Variants in POLG observed in about 807,000 individuals in gnomAD.
POLG encodes DNA polymerase gamma, catalytic subunit, also known as DNA polymerase subunit gamma-1.
In POLG, 110 loss-of-function variants were observed where a neutral mutation model predicts 155.4. That is an observed-to-expected ratio of 0.71 (90% CI 0.61 to 0.83). The LOEUF (loss-of-function observed/expected upper bound fraction) is 0.83. POLG is among the 40% of genes least tolerant of loss of function. The pLI is 0.00. For missense variants in POLG, 1,685 were observed against 1,627.5 expected, an observed-to-expected ratio of 1.04 and a Z score of -0.61; for synonymous variants, 701 against 631.5, an observed-to-expected ratio of 1.11 and a Z score of -1.65.
Position 89,321,947 on chromosome 15 carries a change from C to G in POLG, c.2480+15G>C. The G allele has an allele frequency of 6.2e-7, 1 of 1,613,944 alleles. No homozygotes were observed. On this transcript the variant is annotated intron_variant, in intron 15 of 22. Transcript: ENST00000268124. ...CTCAGTTCTCCTATCCCTACAACCA[C>G]TCAGCAGACCATACCTGATCACAGC... is the stretch of plus-strand genomic sequence containing the variant.
Position 89,323,908 on chromosome 15 carries a change from C to G in POLG, c.2071-7G>C. On this transcript the variant is annotated splice_region_variant and splice_polypyrimidine_tract_variant and intron_variant, in intron 11 of 22. Coordinates refer to ENST00000268124, the MANE Select transcript of POLG (RefSeq NM_002693.3). ...AGTAATCCAGTTCTTCTACCTGGAG[C>G]AGTCCAAGGACCAAAGTAGTGAAGC... The G allele has an allele frequency of 6.2e-7, 1 of 1,610,432 alleles. No individual in the cohort carries two copies. The highest frequency in any genetic ancestry group is 1.1e-5 in the South Asian group (1 of 91,012).
Position 89,321,791 on chromosome 15 carries a change from C to T in POLG, c.2543G>A (p.Gly848Asp), listed in dbSNP as rs2055399978. ...GAILPQVVTAGTITRRAVEPT... is the reference protein window; with the variant it reads ...GAILPQVVTADTITRRAVEPT... Reference sequence around the variant, plus strand: ...CTCCACAGCCCGGCGAGTGATGGTGCCGGCAGTCACCACTTGGGGCAGGAT... The same window carrying T: ...CTCCACAGCCCGGCGAGTGATGGTGTCGGCAGTCACCACTTGGGGCAGGAT... The change falls in exon 16 of 23, where the codon GGC (glycine) becomes GAC (aspartate). Residue 848 changes from glycine to aspartate, a missense_variant. Transcript: ENST00000268124. The T allele has an allele frequency of 6.2e-7, 1 of 1,614,120 alleles. No individual in the cohort carries two copies. The highest frequency in any genetic ancestry group is 8.5e-7 in the Non-Finnish European group (1 of 1,180,004).
intron 2 of POLG, among the ~76,000 whole-genome samples, chr15:89,331,906 C>G (rs1204125925): frequency 2.6e-5 from 4 of 151,362 alleles, no homozygotes; most frequent in African/African-American, 9.7e-5. Context: ...AGAATGAGGG[C>G]AGAGCAGGGA....
chr15:89,330,287 T>G lies in POLG; in HGVS notation c.660-11A>C, dbSNP rs369731644. 3 of 1,605,596 alleles carry G rather than the reference T, an allele frequency of 1.9e-6. No individual in the cohort carries two copies. Among genetic ancestry groups the G allele is most frequent in the Admixed American group, 3.3e-5 (2 of 59,916 alleles). On this transcript the variant is annotated splice_polypyrimidine_tract_variant and intron_variant, in intron 2 of 22. Transcript: ENST00000268124. ...CTGCACCAGGAATACCTGAGGGAGG[T>G]GAGAGGCAGGCAGGTTCACCATGGA...
rs2055497261 is a variant in POLG at position 89,325,284 on chromosome 15, A to AAGAGAGAGAGAAAG, written c.1949+165_1949+166insCTTTCTCTCTCTCT. On this transcript the variant is annotated intron_variant, in intron 10 of 22. Coordinates refer to ENST00000268124, the MANE Select transcript of POLG (RefSeq NM_002693.3). ...TGAGTGAGTGAGTGAGAGAGAGAGA[A>AAGAGAGAGAGAAAG]AGAGAGAGAGAGAGGGTGTGTGTGT... Among the ~76,000 whole-genome samples, 2 of 57,392 alleles carry AAGAGAGAGAGAAAG rather than the reference A, an allele frequency of 3.5e-5. 1 individual carries two copies. The highest frequency in any genetic ancestry group is 6.4e-5 in the Non-Finnish European group (2 of 31,414). The allele number at this position is 57,392 out of a possible 152,430, so 37.7% of individuals were successfully genotyped here.
In POLG at chr15:89,326,502, A is replaced by G. The variant is rs2351000; in HGVS notation, c.1712+110T>C. 166,921 of 1,223,236 alleles carry G rather than the reference A, an allele frequency of 0.14. 17,973 individuals carry two copies. Among genetic ancestry groups the G allele is most frequent in the African/African-American group, 0.54 (36,531 of 67,812 alleles). The allele number at this position is 1,223,236 out of a possible 1,614,324, so 75.8% of individuals were successfully genotyped here. A position where few individuals can be genotyped will look rare whatever the true frequency, so the allele number is the denominator to read the frequency against. On this transcript the variant is annotated intron_variant, in intron 9 of 22. Transcript: ENST00000268124. The stretch of plus-strand genomic sequence containing the variant: ...AGTGTGACTGAATGGCAGCAGGTCA[A>G]TAAGTATACATGTGCATGATGCCTC...
chr15:89,325,838 G>A, intron 9 of POLG, 152 bp from the exon 10 acceptor site: 1 of 720,518 alleles, frequency 1.4e-6, no homozygotes, highest in Non-Finnish European at 2.5e-6. Flanking sequence ...CCTCTGGGAT[G>A]CTTTAGCCAG....
rs891699232 is a variant in POLG, at chr15:89,325,385, G to A, written c.1949+65C>T. ...ACCCAAACTCTTTCCACTAGCCTGA[G>A]CTGACCAGCCAGGGGAAGGGGTCCC... On this transcript the variant is annotated intron_variant, in intron 10 of 22. Coordinates refer to ENST00000268124, the MANE Select transcript of POLG (RefSeq NM_002693.3). The A allele has an allele frequency of 4.3e-6, 5 of 1,170,210 alleles. No individual in the cohort carries two copies. The African/African-American group carries it at 6.0e-5, about 14-fold the overall frequency. 72.5% of individuals were successfully genotyped at this position (1,170,210 alleles called of 1,614,324 possible).
intron 3 of POLG, 89 bp downstream of exon 3, chr15:89,329,992 C>T: frequency 3.6e-6 from 4 of 1,116,094 alleles, no homozygotes; most frequent in Non-Finnish European, 4.1e-6. Flanking sequence ...GAGACACGTG[C>T]CAGGAAAGGA....
chr15:89,316,389 C>G lies in POLG; in HGVS notation c.*362G>C, dbSNP rs1193345847. On this transcript the variant is annotated 3_prime_UTR_variant, in exon 23 of 23. Coordinates refer to ENST00000268124, the MANE Select transcript of POLG (RefSeq NM_002693.3). ...TCACGTTAGAGCATTAATTCTTTCC[C>G]CTTCTAGGGCACTGCATCAGAGCAT... The G allele has an allele frequency of 1.2e-6, 2 of 1,610,236 alleles. No individual in the cohort carries two copies. Among genetic ancestry groups the G allele is most frequent in the African/African-American group, 2.7e-5 (2 of 74,722 alleles).
rs1270165295 is a variant in POLG at position 89,333,790 on chromosome 15, C to T, written c.-36G>A. 2 of 1,534,568 alleles carry T rather than the reference C, an allele frequency of 1.3e-6. No homozygotes were observed. Among genetic ancestry groups the T allele is most frequent in the South Asian group, 1.2e-5 (1 of 84,064 alleles). ...GGGACCCCCACGCTGGGAGTCAGAA[C>T]ACCTGGCTTTGGGCTCCAGCTTGGC... On this transcript the variant is annotated 5_prime_UTR_variant, in exon 2 of 23. Coordinates refer to ENST00000268124, the MANE Select transcript of POLG (RefSeq NM_002693.3).
chr15:89,318,542 TG>T lies in POLG; in HGVS notation c.3480del (p.Arg1161GlyfsTer10). ...CTAGAGGCCATGGGCCCCGCATACC[TG>T]GTCAAGAGGTTGGTGATCTGCAAGG... The part of the protein sequence containing the change: ...ALALQITNLL[T>X]RCMFAYKLGL... On this transcript the variant is annotated frameshift_variant and splice_region_variant, in exon 21 of 23. Transcript: ENST00000268124. LOFTEE classifies it high-confidence loss of function. The T allele has an allele frequency of 6.2e-7, 1 of 1,612,942 alleles. No homozygotes were observed. The highest frequency in any genetic ancestry group is 8.5e-7 in the Non-Finnish European group (1 of 1,179,868).
rs2055468983 is a variant in POLG, at chr15:89,325,105, TGAGAGAGAGTGAGTGAGTGAGTGAGA to T, written c.1949+319_1949+344del. ...GTGAGAGAGTGAGTGAGTGAGAGAG[TGAGAGAGAGTGAGTGAGTGAGTGAGA>T]GAGTGAGTGAGAGAGTGAGTGAGTG... On this transcript the variant is annotated intron_variant, in intron 10 of 22. Coordinates refer to ENST00000268124, the MANE Select transcript of POLG (RefSeq NM_002693.3). Among the ~76,000 whole-genome samples, 12 of 26,414 alleles carry T rather than the reference TGAGAGAGAGTGAGTGAGTGAGTGAGA, an allele frequency of 4.5e-4. 1 individual carries two copies. Among genetic ancestry groups the T allele is most frequent in the African/African-American group, 3.0e-3 (12 of 3,994 alleles). The allele number at this position is 26,414 out of a possible 152,430, so 17.3% of individuals were successfully genotyped here.
rs572629297 is a variant in POLG at position 89,325,363 on chromosome 15, CAA to C, written c.1949+85_1949+86del. ...TCTTCTGAACCCAGACTCTTGAACC[CAA>C]ACTCTTTCCACTAGCCTGAGCTGAC... is the stretch of plus-strand genomic sequence containing the variant. On this transcript the variant is annotated intron_variant, in intron 10 of 22. Coordinates refer to ENST00000268124, the MANE Select transcript of POLG (RefSeq NM_002693.3). 231 of 899,012 alleles carry C rather than the reference CAA, an allele frequency of 2.6e-4. 7 individuals are homozygous for C. The South Asian group carries it at 3.0e-3, about 12-fold the overall frequency. The allele number at this position is 899,012 out of a possible 1,614,324, so 55.7% of individuals were successfully genotyped here. A position where few individuals can be genotyped will look rare whatever the true frequency, so the allele number is the denominator to read the frequency against.
chr15:89,333,186 G>T lies in POLG; in HGVS notation c.569C>A (p.Pro190His). ...GTCGAACACCAGGGCCCGCTCCTCG[G>T]GGATGGCCACGGGTACGGCCTCCCC... is the stretch of plus-strand genomic sequence containing the variant. ...PEGEAVPVAI[P>H]EERALVFDVE... Residue 190 changes from proline to histidine, a missense_variant, in exon 2 of 23, where the codon CCC becomes CAC. Coordinates refer to ENST00000268124, the MANE Select transcript of POLG (RefSeq NM_002693.3). 1 of 1,569,844 alleles carries T rather than the reference G, an allele frequency of 6.4e-7. No homozygotes were observed. The highest frequency in any genetic ancestry group is 1.2e-5 in the South Asian group (1 of 86,280).
chr15:89,316,642 G>A lies in POLG; in HGVS notation c.*109C>T, dbSNP rs749017921. 2.8e-4 allele frequency: 327 copies of A among 1,155,474 alleles called. No homozygotes were observed. Among genetic ancestry groups the A allele is most frequent in the Non-Finnish European group, 4.1e-4 (314 of 769,398 alleles). 71.6% of individuals were successfully genotyped at this position (1,155,474 alleles called of 1,614,324 possible). On this transcript the variant is annotated 3_prime_UTR_variant, in exon 23 of 23. Coordinates refer to ENST00000268124, the MANE Select transcript of POLG (RefSeq NM_002693.3). Reference sequence around the variant, plus strand: ...CAGGTCCTGCTACTGAAAAATGGCTGGCCTTAGGCAAGCCCTTTTGCAAAA... The same window carrying A: ...CAGGTCCTGCTACTGAAAAATGGCTAGCCTTAGGCAAGCCCTTTTGCAAAA...
intron 18 of POLG, among the ~76,000 whole-genome samples, chr15:89,320,220 T>C (rs888212457): frequency 6.6e-6 from 1 of 152,234 alleles, no homozygotes; most frequent in African/African-American, 2.4e-5. Context: ...CAGGAAGTTG[T>C]ACCTCTCTTC....
rs2055271240 is a variant in POLG at position 89,316,545 on chromosome 15, C to T, written c.*206G>A. The T allele has an allele frequency of 1.5e-6, 2 of 1,377,378 alleles. No individual in the cohort carries two copies. Among genetic ancestry groups the T allele is most frequent in the South Asian group, 1.2e-5 (1 of 81,672 alleles). 85.3% of individuals were successfully genotyped at this position (1,377,378 alleles called of 1,614,324 possible). A position where few individuals can be genotyped will look rare whatever the true frequency, so the allele number is the denominator to read the frequency against. On this transcript the variant is annotated 3_prime_UTR_variant, in exon 23 of 23. Coordinates refer to ENST00000268124, the MANE Select transcript of POLG (RefSeq NM_002693.3). ...ACAATGCCCCTTGTCCTGTAGTCCA[C>T]ACCGATGTTGGCATCTTGGTTCTGA...
At chr15:89,320,001 C>T (rs1056901024) in intron 18 of POLG, among the ~76,000 whole-genome samples, 3 of 152,238 alleles carry the variant, frequency 2.0e-5, no homozygotes, top group African/African-American at 7.2e-5. Context: ...GCCCCACCAC[C>T]TTTCTCGCCT....
Sources: gnomAD v4.1 joint callset for allele counts (sites outside exome capture counted in the v4.1 genomes callset) on GRCh38, gnomAD v4.1.1 for gene constraint, MANE v1.5 for transcripts, NCBI Gene and HGNC (gene_info 2026-07-23, HGNC 2026-07-21) for gene names.